Variants in DCDC1 observed in about 807,000 individuals in gnomAD.
DCDC1 encodes doublecortin domain-containing protein 1.
Under a neutral mutation model 178.3 loss-of-function variants are expected in DCDC1, and 200 were observed. The observed-to-expected ratio is 1.12, with a 90% CI of 1.00 to 1.26. The LOEUF is 1.26. Ranked by LOEUF, DCDC1 falls within the 50% of genes most tolerant of loss-of-function variation. DCDC1 has a pLI of 0.00. For synonymous variants in DCDC1, 690 were observed against 604.8 expected (o/e 1.14, Z -2.07); for missense variants, 1,983 against 1,749.2 (o/e 1.13, Z -2.38).
intron 18 of DCDC1, among the ~76,000 whole-genome samples, chr11:31,070,644 A>C (rs944785491): frequency 6.6e-6 from 1 of 152,178 alleles, no homozygotes. Context: ...TTCCCACTAA[A>C]GATTGAGTAA....
In DCDC1 at chr11:31,369,698, G is replaced by A. The variant is rs1366287817; in HGVS notation, c.-126C>T. The A allele has an allele frequency of 6.5e-6, 1 of 152,688 alleles. No individual in the cohort carries two copies. The highest frequency in any genetic ancestry group is 1.5e-5 in the Non-Finnish European group (1 of 68,068). 9.5% of individuals were successfully genotyped at this position (152,688 alleles called of 1,614,324 possible). ...TTTCTTCACAGTTTGGGAACTTACT[G>A]GTAGTAAACGCCACTCCATAGAAGC... On this transcript the variant is annotated splice_region_variant and 5_prime_UTR_variant, in exon 1 of 39. Coordinates refer to ENST00000684477, the MANE Select transcript of DCDC1 (RefSeq NM_001387274.1).
intron 7 of DCDC1, among the ~76,000 whole-genome samples, chr11:31,274,756 A>C (rs1478493080): frequency 6.6e-6 from 1 of 150,592 alleles, no homozygotes; most frequent in Non-Finnish European, 1.5e-5. Context: ...GCTGGAGTGC[A>C]ATGGCATGGT....
At chr11:31,027,691 A>G (rs915217474) in intron 20 of DCDC1, among the ~76,000 whole-genome samples, 1 of 151,914 alleles carries the variant, frequency 6.6e-6, no homozygotes, top group African/African-American at 2.4e-5. Flanking sequence ...AATACATGGT[A>G]AAAACAATTT....
intron 18 of DCDC1, among the ~76,000 whole-genome samples, chr11:31,067,413 A>G (rs1273250159): frequency 1.3e-5 from 2 of 152,202 alleles, no homozygotes; most frequent in Non-Finnish European, 1.5e-5. Context: ...AGGATGACAA[A>G]GAAAAACAAA....
At chr11:30,923,739 C>T (rs2134261122) in intron 23 of DCDC1, among the ~76,000 whole-genome samples, 2 of 151,996 alleles carry the variant, frequency 1.3e-5, no homozygotes, top group Middle Eastern at 3.4e-3. Flanking sequence ...GCCTCAGCCT[C>T]CTGAGTAGCT....
rs370504583 is a variant in DCDC1, at chr11:31,258,733, T to C, written c.1054+6774A>G. On this transcript the variant is annotated intron_variant, in intron 8 of 38. Transcript: ENST00000684477. ...AAACCCGCCAAAAGTTATTCTACAA[T>C]TGGAACTGATGTGGAGATGAGGGGG... 2.4e-4 allele frequency among the ~76,000 whole-genome samples: 36 copies of C among 152,220 alleles called. 1 individual carries two copies. The highest frequency in any genetic ancestry group is 3.4e-3 in the Middle Eastern group (1 of 294).
At chr11:31,334,063 G>A (rs1470797640) in intron 2 of DCDC1, among the ~76,000 whole-genome samples, 1 of 152,122 alleles carries the variant, frequency 6.6e-6, no homozygotes, top group Non-Finnish European at 1.5e-5. Context: ...AATTCTTGGA[G>A]GCTTTGTTCA....
At chr11:31,041,955 A>G (rs1324062080) in intron 20 of DCDC1, among the ~76,000 whole-genome samples, 2 of 152,236 alleles carry the variant, frequency 1.3e-5, no homozygotes, top group African/African-American at 4.8e-5. Flanking sequence ...TTATCACCGA[A>G]CACCATGTAA....
intron 36 of DCDC1, among the ~76,000 whole-genome samples, chr11:30,891,460 T>A (rs1943766966): frequency 6.6e-6 from 1 of 152,182 alleles, no homozygotes; most frequent in South Asian, 2.1e-4. Flanking sequence ...ATAGGCTATC[T>A]TCCCCCATTG....
intron 20 of DCDC1, among the ~76,000 whole-genome samples, chr11:31,037,173 C>T (rs1308980141): frequency 6.6e-6 from 1 of 152,106 alleles, no homozygotes; most frequent in African/African-American, 2.4e-5. Flanking sequence ...TAAATCTTCC[C>T]TCAGCCAGTG....
intron 9 of DCDC1, among the ~76,000 whole-genome samples, chr11:31,230,645 A>T (rs2136771271): frequency 6.6e-6 from 1 of 152,266 alleles, no homozygotes. Context: ...TTGAACCATG[A>T]TGACTCCAGA....
chr11:30,924,204 A>G (rs1295433384), intron 23 of DCDC1, among the ~76,000 whole-genome samples: 2 of 152,226 alleles, frequency 1.3e-5, no homozygotes, highest in Non-Finnish European at 2.9e-5. Context: ...TGAATAGCAC[A>G]GCAGACCAAA....
At chr11:31,267,227 G>T (rs1945221974) in intron 7 of DCDC1, among the ~76,000 whole-genome samples, 1 of 151,532 alleles carries the variant, frequency 6.6e-6, no homozygotes, top group African/African-American at 2.4e-5. Context: ...TGTCACTCTG[G>T]TCGCCCAGGC....
At chr11:31,273,338 C>G (rs546326760) in intron 7 of DCDC1, among the ~76,000 whole-genome samples, 22 of 152,292 alleles carry the variant, frequency 1.4e-4, no homozygotes, top group African/African-American at 5.1e-4. Flanking sequence ...GTACCCAAGT[C>G]ACATCTTGAA....
chr11:30,868,369 G>T (rs570236507), intron 38 of DCDC1, among the ~76,000 whole-genome samples: 1 of 148,612 alleles, frequency 6.7e-6, no homozygotes, highest in Non-Finnish European at 1.5e-5. Flanking sequence ...TCCTGCCTCA[G>T]CCTCTCAAGT....
At chr11:31,322,751 G>A (rs1949435411) in intron 3 of DCDC1, among the ~76,000 whole-genome samples, 1 of 152,156 alleles carries the variant, frequency 6.6e-6, no homozygotes, top group Non-Finnish European at 1.5e-5. Context: ...TGATAACACT[G>A]CTGAACTGCT....
At chr11:31,257,533 GT>G (rs36114377) in intron 8 of DCDC1, among the ~76,000 whole-genome samples, 45,083 of 151,974 alleles carry the variant, frequency 0.3, 8,111 homozygotes, top group East Asian at 0.63. Flanking sequence ...AGAAAGTAAA[GT>G]GGCTTGAAAA....
intron 7 of DCDC1, among the ~76,000 whole-genome samples, chr11:31,272,863 T>C (rs1945674567): frequency 6.6e-6 from 1 of 152,240 alleles, no homozygotes; most frequent in African/African-American, 2.4e-5. Flanking sequence ...GTCTAGAGGA[T>C]GGTGGTCCTC....
chr11:31,135,868 T>C (rs1430429413), intron 10 of DCDC1, among the ~76,000 whole-genome samples: 2 of 152,138 alleles, frequency 1.3e-5, no homozygotes, highest in Admixed American at 1.3e-4. Context: ...ATAATTTTCA[T>C]TTCCAATGTT....
Sources: gnomAD v4.1 joint callset for allele counts (sites outside exome capture counted in the v4.1 genomes callset) on GRCh38, gnomAD v4.1.1 for gene constraint, MANE v1.5 for transcripts, NCBI Gene and HGNC (gene_info 2026-07-23, HGNC 2026-07-21) for gene names.